The following TLK1 variants were observed in gnomAD, a reference collection of about 807,000 sequenced individuals.
TLK1 encodes the protein serine/threonine-protein kinase tousled-like 1.
A neutral mutation model predicts 105.3 loss-of-function variants in TLK1; 24 were observed. The observed-to-expected ratio is 0.23, with a 90% confidence interval of 0.17 to 0.32. The LOEUF (loss-of-function observed/expected upper bound fraction) is 0.32, where lower values mean the gene tolerates loss of function less well. Ranked by LOEUF, TLK1 falls within the 10% of genes least tolerant of loss-of-function variation. The pLI is 1.00. For synonymous variants in TLK1, 321 were observed against 310.4 expected, an observed-to-expected ratio of 1.03 and a Z score of -0.36; for missense variants, 558 against 910.5, an observed-to-expected ratio of 0.61 and a Z score of 4.98.
At chr2:171,038,573 A>T (rs1167228518) in intron 11 of TLK1, among the ~76,000 whole-genome samples, 1 of 152,048 alleles carries the variant, frequency 6.6e-6, no homozygotes, top group Non-Finnish European at 1.5e-5. Flanking sequence ...TCTCATTTCC[A>T]TTGGCACTTT....
intron 14 of TLK1, among the ~76,000 whole-genome samples, chr2:171,009,135 G>A (rs961044588): frequency 2.0e-5 from 3 of 152,114 alleles, no homozygotes; most frequent in African/African-American, 2.4e-5. Flanking sequence ...GGACCCTGAC[G>A]TGTAATGCTT....
At chr2:171,141,601 C>T (rs1691577564) in intron 1 of TLK1, among the ~76,000 whole-genome samples, 1 of 152,088 alleles carries the variant, frequency 6.6e-6, no homozygotes, top group African/African-American at 2.4e-5. Context: ...AAAGGAGCAA[C>T]AGTAAGACTG....
At chr2:171,192,550 C>T (rs913807481) in intron 1 of TLK1, among the ~76,000 whole-genome samples, 6 of 151,974 alleles carry the variant, frequency 3.9e-5, no homozygotes, top group African/African-American at 1.2e-4. Context: ...CATGGTTGCA[C>T]GTGCCTGTAG....
chr2:171,098,609 CT>C (rs1689554422), intron 2 of TLK1, among the ~76,000 whole-genome samples: 1 of 152,122 alleles, frequency 6.6e-6, no homozygotes, highest in Non-Finnish European at 1.5e-5. Flanking sequence ...AGAAGGAACA[CT>C]TACCAACTCA....
intron 1 of TLK1, among the ~76,000 whole-genome samples, chr2:171,207,729 T>G (rs1052840918): frequency 3.3e-5 from 5 of 152,198 alleles, no homozygotes; most frequent in African/African-American, 4.8e-5. Flanking sequence ...GACTAGTCAA[T>G]GATACAGGAT....
chr2:171,040,733 T>C (rs1307006970), intron 11 of TLK1, among the ~76,000 whole-genome samples: 1 of 151,886 alleles, frequency 6.6e-6, no homozygotes, highest in Non-Finnish European at 1.5e-5. Flanking sequence ...CATACCACCA[T>C]GTCTGGCTAA....
intron 1 of TLK1, among the ~76,000 whole-genome samples, chr2:171,188,244 A>G (rs140371980): frequency 2.0e-5 from 3 of 152,194 alleles, no homozygotes; most frequent in South Asian, 2.1e-4. Flanking sequence ...CACACTTAAA[A>G]TCTTATTCTA....
chr2:171,202,644 C>A (rs1393195212), intron 1 of TLK1, among the ~76,000 whole-genome samples: 2 of 152,028 alleles, frequency 1.3e-5, no homozygotes, highest in African/African-American at 2.4e-5. Context: ...GTAGTCCCAG[C>A]TACTTGGGAG....
At chr2:171,179,290 T>C (rs1477216144) in intron 1 of TLK1, among the ~76,000 whole-genome samples, 1 of 152,226 alleles carries the variant, frequency 6.6e-6, no homozygotes, top group Non-Finnish European at 1.5e-5. Flanking sequence ...TAAATATACA[T>C]GATGACATTT....
intron 1 of TLK1, among the ~76,000 whole-genome samples, chr2:171,173,807 T>C (rs1378495742): frequency 6.6e-6 from 1 of 152,164 alleles, no homozygotes; most frequent in African/African-American, 2.4e-5. Context: ...TCAAATGTCT[T>C]CATCCTATAT....
intron 1 of TLK1, among the ~76,000 whole-genome samples, chr2:171,229,026 A>G (rs13391878): frequency 0.084 from 12,727 of 152,166 alleles, 1,062 homozygotes; most frequent in East Asian, 0.25. Context: ...AGATTCTTGA[A>G]CTGAAAGGGC....
intron 12 of TLK1, among the ~76,000 whole-genome samples, chr2:171,016,102 G>A (rs1043582791): frequency 3.3e-5 from 5 of 151,918 alleles, no homozygotes; most frequent in East Asian, 1.9e-4. Context: ...ACCGCCACCC[G>A]CCGTCAATAA....
At chr2:170,997,000 T>C (rs540241984) in intron 19 of TLK1, among the ~76,000 whole-genome samples, 3 of 152,268 alleles carry the variant, frequency 2.0e-5, no homozygotes, top group East Asian at 3.9e-4. Context: ...AAGAAGAAAA[T>C]AATGCTGTTG....
At chr2:171,213,879 T>A (rs1693665265) in intron 1 of TLK1, among the ~76,000 whole-genome samples, 1 of 148,094 alleles carries the variant, frequency 6.8e-6, no homozygotes, top group South Asian at 2.3e-4. Flanking sequence ...CATGCCACCA[T>A]GCCCAGCAAT....
chr2:171,016,301 C>G (rs1044545788), intron 12 of TLK1, among the ~76,000 whole-genome samples: 2 of 152,068 alleles, frequency 1.3e-5, no homozygotes, highest in African/African-American at 4.8e-5. Context: ...GCCACCACAC[C>G]TGGCTATTTT....
intron 14 of TLK1, among the ~76,000 whole-genome samples, chr2:171,009,134 C>A (rs558848889): frequency 6.6e-6 from 1 of 152,192 alleles, no homozygotes; most frequent in African/African-American, 2.4e-5. Context: ...AGGACCCTGA[C>A]GTGTAATGCT....
chr2:171,025,141 A>G (rs1371923631), intron 12 of TLK1, among the ~76,000 whole-genome samples: 2 of 152,202 alleles, frequency 1.3e-5, no homozygotes, highest in South Asian at 2.1e-4. Flanking sequence ...CACATTGGAT[A>G]ATAGAGTAAG....
intron 2 of TLK1, chr2:171,091,716 TTGTTGTTGTTG>T (rs1423787835): frequency 4.0e-4 from 2 of 5,006 alleles, no homozygotes; most frequent in African/African-American, 1.1e-3. Context: ...GGGGGTGTCT[TTGTTGTTGTTG>T]TTGTTGTTGT....
At chr2:171,084,140 C>G (rs758600631) in intron 2 of TLK1, among the ~76,000 whole-genome samples, 1 of 151,972 alleles carries the variant, frequency 6.6e-6, no homozygotes, top group Admixed American at 6.6e-5. Context: ...GTATCATTAT[C>G]AATATGGGAG....
Sources: gnomAD v4.1 joint callset for allele counts (sites outside exome capture counted in the v4.1 genomes callset) on GRCh38, gnomAD v4.1.1 for gene constraint, MANE v1.5 for transcripts, NCBI Gene and HGNC (gene_info 2026-07-23, HGNC 2026-07-21) for gene names.